Variants in DCLK1 observed in about 807,000 individuals in gnomAD.
The protein encoded by DCLK1 is doublecortin like kinase 1, also known as serine/threonine-protein kinase DCLK1.
DCLK1 carries 16 observed loss-of-function variants against 86.2 expected under a neutral mutation model. The ratio of observed to expected loss-of-function variants is 0.19; its 90% CI spans 0.13 to 0.28. DCLK1 has a LOEUF of 0.28. Ranked by LOEUF, DCLK1 falls within the 10% of genes least tolerant of loss-of-function variation. The probability of loss-of-function intolerance (pLI) is 1.00; values close to 1 mark genes in which losing one functional copy is unlikely to be tolerated. For missense variants in DCLK1, 590 were observed against 940.2 expected, an observed-to-expected ratio of 0.63 and a Z score of 4.87; for synonymous variants, 369 against 370.5, an observed-to-expected ratio of 1.00 and a Z score of 0.05.
intron 4 of DCLK1, among the ~76,000 whole-genome samples, chr13:35,881,809 G>A (rs979259295): frequency 5.3e-5 from 8 of 152,250 alleles, no homozygotes; most frequent in South Asian, 2.1e-4. Flanking sequence ...GGGGCATGTC[G>A]TGTGAAATAG....
chr13:35,828,162 G>A (rs1868639332), intron 9 of DCLK1, 88 bp downstream of exon 9: 4 of 1,113,072 alleles, frequency 3.6e-6, no homozygotes, highest in Middle Eastern at 2.0e-4. Context: ...AACCCTTAGG[G>A]TGAACTTGTA....
intron 3 of DCLK1, among the ~76,000 whole-genome samples, chr13:36,056,659 A>C (rs12586056): frequency 0.23 from 28,506 of 122,032 alleles, 3,111 homozygotes; most frequent in East Asian, 0.49. Flanking sequence ...AGAGCACACA[A>C]AAAAAAAAAT....
At chr13:35,949,937 T>C (rs1424092245) in intron 3 of DCLK1, among the ~76,000 whole-genome samples, 2 of 146,026 alleles carry the variant, frequency 1.4e-5, no homozygotes, top group Non-Finnish European at 1.5e-5. Context: ...TAGAGAAAAG[T>C]AACTGTCATC....
intron 8 of DCLK1, among the ~76,000 whole-genome samples, chr13:35,831,383 G>C (rs999706855): frequency 2.0e-5 from 3 of 152,168 alleles, no homozygotes; most frequent in Admixed American, 2.0e-4. Flanking sequence ...CAGGTGTTAG[G>C]AGACTAAATG....
intron 3 of DCLK1, among the ~76,000 whole-genome samples, chr13:36,009,602 G>A (rs983029704): frequency 7.3e-5 from 4 of 55,082 alleles, no homozygotes; most frequent in Non-Finnish European, 1.3e-4. Flanking sequence ...TTTGGTACCA[G>A]TACCATGCTG....
intron 3 of DCLK1, among the ~76,000 whole-genome samples, chr13:36,013,400 G>T (rs1031822575): frequency 6.6e-6 from 1 of 151,904 alleles, no homozygotes; most frequent in African/African-American, 2.4e-5. Context: ...GTACAGATGG[G>T]TTTTCGGTGT....
At chr13:35,793,526 T>C (rs2086746563) in intron 15 of DCLK1, 47 bp from the exon 16 acceptor site, 2 of 1,469,266 alleles carry the variant, frequency 1.4e-6, no homozygotes, top group African/African-American at 1.4e-5. Context: ...GAAAATGAGA[T>C]AAATGAAAAA....
At chr13:36,096,980 A>G (rs1351429548) in intron 3 of DCLK1, among the ~76,000 whole-genome samples, 2 of 152,216 alleles carry the variant, frequency 1.3e-5, no homozygotes, top group Admixed American at 6.5e-5. Context: ...GAAACTGGCT[A>G]CATAACCTCT....
chr13:35,979,668 T>C (rs955072646), intron 3 of DCLK1, among the ~76,000 whole-genome samples: 8 of 152,188 alleles, frequency 5.3e-5, no homozygotes, highest in Admixed American at 3.9e-4. Context: ...TGCGAACAAA[T>C]CCCAGTGGCG....
chr13:35,854,940 T>C (rs1487476852), intron 5 of DCLK1, among the ~76,000 whole-genome samples: 1 of 152,240 alleles, frequency 6.6e-6, no homozygotes, highest in Non-Finnish European at 1.5e-5. Flanking sequence ...CCTTAACTCT[T>C]CAGTTTAGCT....
Position 35,827,653 on chromosome 13 carries a change from A to C in DCLK1, c.1389T>G (p.Leu463=), listed in dbSNP as rs1868589421. ...TACACACCTTTACTAATTCCATGACAAGATACAGTTCAGTTGGCACATCCA... is the reference window on the plus strand; with the variant it reads ...TACACACCTTTACTAATTCCATGACCAGATACAGTTCAGTTGGCACATCCA... ...EEMDVPTELY[L]VMELVKGGDL... The change falls in exon 10 of 17, where the codon CTT becomes CTG. Residue 463 remains leucine (L), a synonymous_variant. Coordinates refer to ENST00000360631, the MANE Select transcript of DCLK1 (RefSeq NM_001330071.2). 6.2e-7 allele frequency: 1 copy of C among 1,614,012 alleles called. No homozygotes were observed. The highest frequency in any genetic ancestry group is 8.5e-7 in the Non-Finnish European group (1 of 1,179,982).
chr13:35,949,316 T>C (rs145497723), intron 3 of DCLK1, among the ~76,000 whole-genome samples: 4 of 152,324 alleles, frequency 2.6e-5, no homozygotes, highest in African/African-American at 9.6e-5. Flanking sequence ...ACTTATTTGA[T>C]TCCAGAACTT....
chr13:35,799,354 C>A (rs961841476), intron 15 of DCLK1, among the ~76,000 whole-genome samples: 1 of 152,068 alleles, frequency 6.6e-6, no homozygotes, highest in Non-Finnish European at 1.5e-5. Context: ...CGGGTTCAAG[C>A]GATTCTCCTG....
intron 3 of DCLK1, among the ~76,000 whole-genome samples, chr13:36,004,958 C>T (rs1379610232): frequency 6.6e-6 from 1 of 152,132 alleles, no homozygotes. Flanking sequence ...TTTAAATGTA[C>T]ACAACAATCT....
chr13:36,041,398 T>C (rs528539367), intron 3 of DCLK1, among the ~76,000 whole-genome samples: 26 of 152,328 alleles, frequency 1.7e-4, no homozygotes, highest in Non-Finnish European at 3.5e-4. Flanking sequence ...ACTGTTAACC[T>C]GTACTCCTAC....
chr13:35,899,366 TGTGAGAGA>T (rs1310347488), intron 4 of DCLK1, among the ~76,000 whole-genome samples: 110 of 88,542 alleles, frequency 1.2e-3, no homozygotes, highest in South Asian at 3.6e-3. Context: ...TGTGTGTGTG[TGTGAGAGA>T]GAGAGAGAGA....
chr13:35,915,306 G>C (rs1875341705), intron 4 of DCLK1, among the ~76,000 whole-genome samples: 1 of 152,158 alleles, frequency 6.6e-6, no homozygotes, highest in African/African-American at 2.4e-5. Flanking sequence ...TAACACGGAG[G>C]GGGTCCCTTT....
intron 4 of DCLK1, among the ~76,000 whole-genome samples, chr13:35,897,948 G>A (rs1275506285): frequency 6.6e-6 from 1 of 152,106 alleles, no homozygotes; most frequent in Non-Finnish European, 1.5e-5. Context: ...GAATTAAGAG[G>A]CCATCTCCAT....
chr13:35,848,903 T>C, intron 6 of DCLK1: 1 of 985,412 alleles, frequency 1.0e-6, no homozygotes, highest in Non-Finnish European at 1.2e-6. Context: ...AGATGTTTAC[T>C]GTTTCAGCTA....
Sources: allele counts gnomAD v4.1 joint callset (sites outside exome capture counted in the v4.1 genomes callset), GRCh38; gene constraint gnomAD v4.1.1; transcripts MANE v1.5; gene names NCBI Gene and HGNC (gene_info 2026-07-23, HGNC 2026-07-21).